PHACTR3: variants seen among roughly 807,000 people sequenced by gnomAD.
PHACTR3 encodes phosphatase and actin regulator 3.
A neutral mutation model predicts 66.8 loss-of-function variants in PHACTR3; 16 were observed. The ratio of observed to expected loss-of-function variants is 0.24; its 90% CI spans 0.16 to 0.36. PHACTR3 has a LOEUF of 0.36. Ranked by LOEUF, PHACTR3 falls within the 10% of genes least tolerant of loss-of-function variation. PHACTR3 has a pLI of 1.00. For missense variants in PHACTR3, 647 were observed against 719.9 expected (o/e 0.90, Z 1.16); for synonymous variants, 323 against 292.1 (o/e 1.11, Z -1.08).
intron 8 of PHACTR3, among the ~76,000 whole-genome samples, chr20:59,819,675 C>T (rs149521331): frequency 2.8e-4 from 42 of 152,212 alleles, no homozygotes; most frequent in East Asian, 1.9e-3. Context: ...ACTGGCCACC[C>T]GTCAACTGAG....
At chr20:59,727,391 T>C (rs2038605877) in intron 1 of PHACTR3, among the ~76,000 whole-genome samples, 1 of 152,102 alleles carries the variant, frequency 6.6e-6, no homozygotes, top group South Asian at 2.1e-4. Flanking sequence ...TTCTGCCTGA[T>C]GTAAAAGTGC....
rs148606251 is a variant in PHACTR3 at position 59,663,384 on chromosome 20, C to T, written c.118+58252C>T. Among the ~76,000 whole-genome samples the T allele has an allele frequency of 3.9e-5, 6 of 152,160 alleles. No individual in the cohort carries two copies. In the East Asian group the frequency reaches 7.7e-4, roughly 20 times the overall value. On this transcript the variant is annotated intron_variant, in intron 1 of 12. Transcript: ENST00000371015. ...GGTGGAGACGTGGAGGACAGACCGA[C>T]GCCAGCAGAAGGACATCAGGGCCAC... is the stretch of plus-strand genomic sequence containing the variant.
At chr20:59,685,799 G>A (rs758847525) in intron 1 of PHACTR3, among the ~76,000 whole-genome samples, 8 of 152,276 alleles carry the variant, frequency 5.3e-5, no homozygotes, top group East Asian at 1.9e-4. Context: ...TGGCTTCCCC[G>A]CCTCACATTC....
intron 1 of PHACTR3, among the ~76,000 whole-genome samples, chr20:59,608,038 A>C (rs1490631645): frequency 1.3e-5 from 2 of 152,186 alleles, no homozygotes; most frequent in Non-Finnish European, 1.5e-5. Flanking sequence ...CTCCTAGAAA[A>C]TGTACGAATT....
At chr20:59,721,593 G>A (rs529722173) in intron 1 of PHACTR3, among the ~76,000 whole-genome samples, 51 of 152,308 alleles carry the variant, frequency 3.3e-4, no homozygotes, top group Middle Eastern at 6.8e-3. Flanking sequence ...GGTTCTAGAA[G>A]GCAAAGTGCG....
chr20:59,669,770 C>T (rs911011670), intron 1 of PHACTR3, among the ~76,000 whole-genome samples: 17 of 152,166 alleles, frequency 1.1e-4, no homozygotes, highest in African/African-American at 3.1e-4. Context: ...ATCATGTTTT[C>T]GAAGCTCATC....
chr20:59,695,336 A>G (rs570073498), intron 1 of PHACTR3, among the ~76,000 whole-genome samples: 1 of 152,170 alleles, frequency 6.6e-6, no homozygotes, highest in Admixed American at 6.5e-5. Flanking sequence ...GTGTGTTCTT[A>G]TGAGATCTGG....
At chr20:59,593,852 C>T (rs1187284270) in intron 1 of PHACTR3, among the ~76,000 whole-genome samples, 1 of 152,208 alleles carries the variant, frequency 6.6e-6, no homozygotes. Context: ...TTCAATTCCA[C>T]TGATTTATTT....
chr20:59,773,858 T>G (rs1439914861), intron 6 of PHACTR3, among the ~76,000 whole-genome samples: 1 of 152,254 alleles, frequency 6.6e-6, no homozygotes, highest in Admixed American at 6.5e-5. Flanking sequence ...AGCTTACTCT[T>G]ATTTTGGATC....
intron 8 of PHACTR3, among the ~76,000 whole-genome samples, chr20:59,814,034 C>G (rs2426847): frequency 0.4 from 61,255 of 152,150 alleles, 14,855 homozygotes; most frequent in African/African-American, 0.68. Context: ...CTGCTCTGCT[C>G]TTCTGTGAGG....
At chr20:59,761,204 C>A (rs994234641) in intron 4 of PHACTR3, among the ~76,000 whole-genome samples, 1 of 152,048 alleles carries the variant, frequency 6.6e-6, no homozygotes, top group Non-Finnish European at 1.5e-5. Flanking sequence ...GTCCTGGGAG[C>A]CAGGGAGGGA....
intron 7 of PHACTR3, among the ~76,000 whole-genome samples, chr20:59,776,593 G>A (rs1195171871): frequency 6.6e-6 from 1 of 152,182 alleles, no homozygotes; most frequent in African/African-American, 2.4e-5. Flanking sequence ...TTCCTTTAGG[G>A]CATTGTTAGG....
intron 1 of PHACTR3, chr20:59,577,668 C>T (rs1282417260): frequency 3.5e-6 from 4 of 1,147,900 alleles, no homozygotes; most frequent in Middle Eastern, 3.5e-4. Flanking sequence ...CCGGGGTGCC[C>T]GCCGGGCACG....
intron 1 of PHACTR3, among the ~76,000 whole-genome samples, chr20:59,635,102 T>C (rs1178667811): frequency 2.5e-5 from 1 of 39,432 alleles, no homozygotes; most frequent in Non-Finnish European, 4.7e-5. Flanking sequence ...TCTTTCTCTC[T>C]CTTTCTTTCT....
At chr20:59,672,586 C>A (rs2036231330) in intron 1 of PHACTR3, among the ~76,000 whole-genome samples, 1 of 152,162 alleles carries the variant, frequency 6.6e-6, no homozygotes, top group Non-Finnish European at 1.5e-5. Context: ...AATAGGGCAG[C>A]CTCTAAGGAT....
At chr20:59,588,619 C>T (rs1223166512) in intron 1 of PHACTR3, among the ~76,000 whole-genome samples, 1 of 152,212 alleles carries the variant, frequency 6.6e-6, no homozygotes, top group African/African-American at 2.4e-5. Flanking sequence ...TCCTCAGCCT[C>T]CCGCCATCTT....
intron 4 of PHACTR3, among the ~76,000 whole-genome samples, chr20:59,755,635 C>G (rs1012058904): frequency 6.0e-5 from 9 of 149,654 alleles, no homozygotes; most frequent in African/African-American, 2.2e-4. Flanking sequence ...CCTACCCCCC[C>G]TCCCAGGGCG....
intron 1 of PHACTR3, among the ~76,000 whole-genome samples, chr20:59,733,430 G>T (rs971111310): frequency 1.3e-5 from 2 of 152,162 alleles, no homozygotes; most frequent in South Asian, 4.2e-4. Flanking sequence ...ATCTCTTGCA[G>T]CCTGGCCACA....
chr20:59,716,235 TG>T (rs1233271623), intron 1 of PHACTR3, among the ~76,000 whole-genome samples: 2 of 150,452 alleles, frequency 1.3e-5, no homozygotes, highest in African/African-American at 2.5e-5. Context: ...TGTGTGTGTG[TG>T]TGTGTGTGTG....
Sources: gnomAD v4.1 joint callset for allele counts (sites outside exome capture counted in the v4.1 genomes callset) on GRCh38, gnomAD v4.1.1 for gene constraint, MANE v1.5 for transcripts, NCBI Gene and HGNC (gene_info 2026-07-23, HGNC 2026-07-21) for gene names.